The following ITPR1 variants were observed in gnomAD, a reference collection of about 807,000 sequenced individuals.
The protein encoded by ITPR1 is inositol 1,4,5-trisphosphate receptor type 1.
Under a neutral mutation model 318.4 loss-of-function variants are expected in ITPR1, and 96 were observed. That is an observed-to-expected ratio of 0.30 (90% CI 0.26 to 0.36). The LOEUF (loss-of-function observed/expected upper bound fraction) is 0.36, where lower values mean the gene tolerates loss of function less well. ITPR1 is among the 10% of genes least tolerant of loss of function. The pLI, the probability that ITPR1 is intolerant of heterozygous loss-of-function variation, is 1.00. For synonymous variants in ITPR1, 1,312 were observed against 1,289.9 expected (o/e 1.02, Z -0.37); for missense variants, 2,440 against 3,460.2 (o/e 0.71, Z 7.40).
chr3:4,595,721 C>A (rs1211706295), intron 4 of ITPR1, among the ~76,000 whole-genome samples: 1 of 151,854 alleles, frequency 6.6e-6, no homozygotes, highest in Non-Finnish European at 1.5e-5. Flanking sequence ...GAGGTGGATG[C>A]TTTGAGGGGA....
At position 4,763,645 on chromosome 3, in the gene ITPR1, G is replaced by A. The variant is rs551188121; in HGVS notation, c.5545-2885G>A. Among the ~76,000 whole-genome samples the A allele has an allele frequency of 7.2e-5, 11 of 152,306 alleles. No individual in the cohort carries two copies. In the South Asian group the frequency reaches 2.1e-3, roughly 29 times the overall value. On this transcript the variant is annotated intron_variant, in intron 44 of 61. Coordinates refer to ENST00000649015, the MANE Select transcript of ITPR1 (RefSeq NM_001378452.1). Reference sequence around the variant, plus strand: ...TTATTGAGCACATTCTATCAATAAAGCTGCTTCGAACCCTTGAGCGACTGA... The same window carrying A: ...TTATTGAGCACATTCTATCAATAAAACTGCTTCGAACCCTTGAGCGACTGA...
chr3:4,773,458 A>G (rs184245999), intron 46 of ITPR1, among the ~76,000 whole-genome samples: 44 of 152,338 alleles, frequency 2.9e-4, no homozygotes, highest in Non-Finnish European at 1.6e-4. Context: ...TTTCATCCAT[A>G]GAGACTTGGT....
intron 53 of ITPR1, 40 bp downstream of exon 53, chr3:4,795,227 G>A: frequency 6.3e-7 from 1 of 1,597,664 alleles, no homozygotes; most frequent in Non-Finnish European, 8.5e-7. Flanking sequence ...ATTAGAAGCA[G>A]CAGGAAGGCT....
chr3:4,673,075 C>G (rs1481414941), intron 20 of ITPR1, 61 bp from the exon 21 acceptor site: 29 of 1,551,268 alleles, frequency 1.9e-5, no homozygotes, highest in Non-Finnish European at 2.2e-5. Flanking sequence ...CCCAGACGAC[C>G]CTTCATTCAT....
At chr3:4,580,165 A>C (rs918869596) in intron 4 of ITPR1, among the ~76,000 whole-genome samples, 2 of 152,080 alleles carry the variant, frequency 1.3e-5, no homozygotes, top group Non-Finnish European at 2.9e-5. Flanking sequence ...AGCCGAGATC[A>C]TGCCACTCCA....
chr3:4,840,649 T>C (rs540812423), intron 61 of ITPR1, among the ~76,000 whole-genome samples: 54 of 152,210 alleles, frequency 3.5e-4, no homozygotes, highest in Non-Finnish European at 6.9e-4. Flanking sequence ...TTATGGTTAG[T>C]GGTGTCACTT....
At chr3:4,738,155 C>CA (rs1161212622) in intron 44 of ITPR1, among the ~76,000 whole-genome samples, 10 of 152,070 alleles carry the variant, frequency 6.6e-5, no homozygotes, top group Non-Finnish European at 1.5e-4. Context: ...GTGATAAACC[C>CA]CAGTGACACA....
At chr3:4,763,473 G>C in intron 44 of ITPR1, among the ~76,000 whole-genome samples, 1 of 152,080 alleles carries the variant, frequency 6.6e-6, no homozygotes, top group East Asian at 1.9e-4. Flanking sequence ...GTGTAACTGA[G>C]CACACCTCTC....
intron 2 of ITPR1, among the ~76,000 whole-genome samples, chr3:4,504,255 T>G (rs2081244111): frequency 6.6e-6 from 1 of 152,142 alleles, no homozygotes; most frequent in Non-Finnish European, 1.5e-5. Context: ...TTAGCAGACA[T>G]GTCTGAAAAA....
intron 34 of ITPR1, among the ~76,000 whole-genome samples, chr3:4,698,978 T>C (rs769596292): frequency 3.3e-5 from 5 of 152,206 alleles, no homozygotes; most frequent in Non-Finnish European, 7.3e-5. Flanking sequence ...AGTCAGTTAT[T>C]CTGAAATATG....
Position 4,693,482 on chromosome 3 carries a change from T to G in ITPR1, c.4030-8T>G. ...TTGTAATCTAAACCCACCCTGTTCT[T>G]TATGTAGCTGGTCAATTCGGGAGAG... is the stretch of plus-strand genomic sequence containing the variant. On this transcript the variant is annotated splice_polypyrimidine_tract_variant and splice_region_variant and intron_variant, in intron 32 of 61. Coordinates refer to ENST00000649015, the MANE Select transcript of ITPR1 (RefSeq NM_001378452.1). The G allele has an allele frequency of 1.9e-6, 3 of 1,612,624 alleles. No individual in the cohort carries two copies. In the South Asian group the frequency reaches 3.3e-5, roughly 18 times the overall value.
Position 4,568,720 on chromosome 3 carries a change from G to C in ITPR1, c.163+47626G>C, listed in dbSNP as rs145018733. On this transcript the variant is annotated intron_variant, in intron 4 of 61. Coordinates refer to ENST00000649015, the MANE Select transcript of ITPR1 (RefSeq NM_001378452.1). ...GCCATGTTGTGTGGCTGGAATAGAG[G>C]GAGCCAGGTGTCAGGCGGATATGGT... is the stretch of plus-strand genomic sequence containing the variant. Among the ~76,000 whole-genome samples, 226 of 152,258 alleles carry C rather than the reference G, an allele frequency of 1.5e-3. 1 individual carries two copies. Among genetic ancestry groups the C allele is most frequent in the African/African-American group, 5.2e-3 (215 of 41,542 alleles).
At chr3:4,662,405 T>C (rs2093853838) in intron 15 of ITPR1, among the ~76,000 whole-genome samples, 163 bp downstream of exon 15, 1 of 152,200 alleles carries the variant, frequency 6.6e-6, no homozygotes, top group Non-Finnish European at 1.5e-5. Context: ...GAAATAGTAC[T>C]TTTGCATTCA....
At chr3:4,511,411 G>A (rs909049946) in intron 2 of ITPR1, among the ~76,000 whole-genome samples, 2 of 152,142 alleles carry the variant, frequency 1.3e-5, no homozygotes, top group Non-Finnish European at 2.9e-5. Context: ...GCCTCCCTCT[G>A]CAAGAGTGTC....
At chr3:4,675,872 A>G (rs1335413311) in intron 23 of ITPR1, among the ~76,000 whole-genome samples, 2 of 152,176 alleles carry the variant, frequency 1.3e-5, no homozygotes, top group Non-Finnish European at 2.9e-5. Context: ...GTGCTGAGTC[A>G]TGTTGCATTA....
intron 54 of ITPR1, among the ~76,000 whole-genome samples, chr3:4,803,192 G>A (rs1005381654): frequency 4.6e-5 from 7 of 152,166 alleles, no homozygotes; most frequent in African/African-American, 9.7e-5. Flanking sequence ...TACTGTATCC[G>A]GGACAGGTGG....
At chr3:4,763,333 C>A (rs997144734) in intron 44 of ITPR1, among the ~76,000 whole-genome samples, 1 of 152,040 alleles carries the variant, frequency 6.6e-6, no homozygotes, top group East Asian at 1.9e-4. Flanking sequence ...CCTGCACGTC[C>A]TGCATAGGTA....
chr3:4,781,619 C>T (rs1285922783), intron 49 of ITPR1, among the ~76,000 whole-genome samples: 1 of 152,168 alleles, frequency 6.6e-6, no homozygotes, highest in Non-Finnish European at 1.5e-5. Flanking sequence ...AAGTTCACAT[C>T]CCAGCTCACC....
rs185882233 is a variant in ITPR1, at chr3:4,499,613, C to T, written c.-17+5107C>T. Among the ~76,000 whole-genome samples the T allele has an allele frequency of 3.3e-5, 5 of 152,290 alleles. No homozygotes were observed. In the East Asian group the frequency reaches 9.7e-4, roughly 29 times the overall value. On this transcript the variant is annotated intron_variant, in intron 2 of 61. Coordinates refer to ENST00000649015, the MANE Select transcript of ITPR1 (RefSeq NM_001378452.1). ...TTACAAATGGTTGATGTTCACTAAT[C>T]TCTGTATTTCCTCTACAGATCTTTT... is the stretch of plus-strand genomic sequence containing the variant.
Sources: allele counts gnomAD v4.1 joint callset (sites outside exome capture counted in the v4.1 genomes callset), GRCh38; gene constraint gnomAD v4.1.1; transcripts MANE v1.5; gene names NCBI Gene and HGNC (gene_info 2026-07-23, HGNC 2026-07-21).